Variants in FSTL5 observed in about 807,000 individuals in gnomAD.
The protein encoded by FSTL5 is follistatin like 5.
In FSTL5, 62 loss-of-function variants were observed where a neutral mutation model predicts 89.1. The observed-to-expected ratio is 0.70, with a 90% CI of 0.57 to 0.86. The LOEUF (loss-of-function observed/expected upper bound fraction) is 0.86, where lower values mean the gene tolerates loss of function less well. Among genes scored for constraint, FSTL5 ranks in the 40% least tolerant of loss-of-function variants. The probability of loss-of-function intolerance (pLI) is 0.00; values close to 1 mark genes in which losing one functional copy is unlikely to be tolerated. For synonymous variants in FSTL5, 383 were observed against 346.2 expected (o/e 1.11, Z -1.18); for missense variants, 1,057 against 1,001.6 (o/e 1.06, Z -0.75).
At chr4:161,570,301 T>C (rs1732961510) in intron 8 of FSTL5, among the ~76,000 whole-genome samples, 1 of 152,088 alleles carries the variant, frequency 6.6e-6, no homozygotes, top group African/African-American at 2.4e-5. Flanking sequence ...TTGAAAGAGT[T>C]TGAAACTGAG....
At chr4:161,618,032 C>T (rs1319017643) in intron 7 of FSTL5, among the ~76,000 whole-genome samples, 1 of 151,952 alleles carries the variant, frequency 6.6e-6, no homozygotes, top group Admixed American at 6.6e-5. Context: ...TTGAAGAGGT[C>T]CTTCACGTCC....
chr4:161,730,690 C>T (rs1739578001), intron 6 of FSTL5, among the ~76,000 whole-genome samples: 1 of 152,148 alleles, frequency 6.6e-6, no homozygotes, highest in Admixed American at 6.5e-5. Context: ...TGAAATGATA[C>T]AGTGTCCATT....
chr4:161,937,388 C>T (rs1450589393), intron 3 of FSTL5, among the ~76,000 whole-genome samples: 1 of 151,916 alleles, frequency 6.6e-6, no homozygotes, highest in Non-Finnish European at 1.5e-5. Flanking sequence ...AAATATTTCC[C>T]AGAACTGAAG....
intron 6 of FSTL5, among the ~76,000 whole-genome samples, chr4:161,679,049 C>T (rs911352138): frequency 2.6e-5 from 4 of 151,512 alleles, no homozygotes; most frequent in Non-Finnish European, 4.4e-5. Flanking sequence ...AATACTGTAG[C>T]AAGTACTCTT....
At chr4:161,573,013 A>C (rs2126588278) in intron 8 of FSTL5, among the ~76,000 whole-genome samples, 1 of 152,326 alleles carries the variant, frequency 6.6e-6, no homozygotes, top group Middle Eastern at 3.4e-3. Context: ...GGCCTAAACA[A>C]GATGTAAGTA....
intron 13 of FSTL5, among the ~76,000 whole-genome samples, chr4:161,460,815 C>G (rs1465670508): frequency 2.6e-5 from 4 of 152,018 alleles, no homozygotes; most frequent in African/African-American, 9.7e-5. Context: ...AGATGTGCAG[C>G]AATATCCTCA....
In FSTL5 at chr4:162,042,549, G is replaced by A. The variant is rs373851473; in HGVS notation, c.127-8891C>T. Among the ~76,000 whole-genome samples, 9 of 152,012 alleles carry A rather than the reference G, an allele frequency of 5.9e-5. No individual in the cohort carries two copies. In the East Asian group the frequency reaches 1.2e-3, roughly 20 times the overall value. On this transcript the variant is annotated intron_variant, in intron 2 of 15. Transcript: ENST00000306100. ...ATAGCATGGATAAGGGATGGATCAGGTAGTGAGATATGTTAGAAAATAACA... is the reference window on the plus strand; with the variant it reads ...ATAGCATGGATAAGGGATGGATCAGATAGTGAGATATGTTAGAAAATAACA...
At chr4:161,693,142 G>A (rs1428600516) in intron 6 of FSTL5, among the ~76,000 whole-genome samples, 1 of 152,076 alleles carries the variant, frequency 6.6e-6, no homozygotes, top group East Asian at 1.9e-4. Flanking sequence ...AACCACCTCT[G>A]GATTCCTGGA....
At chr4:161,418,737 A>G (rs748194492) in intron 15 of FSTL5, among the ~76,000 whole-genome samples, 4 of 152,138 alleles carry the variant, frequency 2.6e-5, no homozygotes, top group Non-Finnish European at 5.9e-5. Flanking sequence ...TTAAAGTCAC[A>G]ATTTCCAAGA....
intron 4 of FSTL5, among the ~76,000 whole-genome samples, chr4:161,854,293 G>C (rs1285674842): frequency 6.6e-6 from 1 of 152,152 alleles, no homozygotes; most frequent in Non-Finnish European, 1.5e-5. Flanking sequence ...TCTGTCCTTA[G>C]AAAGGGCTTC....
intron 3 of FSTL5, among the ~76,000 whole-genome samples, chr4:161,940,085 C>T (rs1010624754): frequency 6.6e-6 from 1 of 151,616 alleles, no homozygotes; most frequent in African/African-American, 2.4e-5. Flanking sequence ...AAAATTATTA[C>T]CAGTTATTGT....
chr4:161,823,188 C>A (rs1730548796), intron 4 of FSTL5, among the ~76,000 whole-genome samples: 1 of 152,110 alleles, frequency 6.6e-6, no homozygotes, highest in African/African-American at 2.4e-5. Flanking sequence ...GGCAGGCCAG[C>A]CCCCAGGCTT....
intron 4 of FSTL5, among the ~76,000 whole-genome samples, chr4:161,829,135 C>T (rs1730759888): frequency 1.9e-5 from 1 of 53,920 alleles, no homozygotes; most frequent in Admixed American, 3.0e-4. Context: ...GCTTCAGTCA[C>T]ATTTTATATA....
At chr4:161,543,184 T>C (rs983822961) in intron 8 of FSTL5, among the ~76,000 whole-genome samples, 3 of 152,010 alleles carry the variant, frequency 2.0e-5, no homozygotes, top group South Asian at 2.1e-4. Flanking sequence ...TTTACAATAG[T>C]ATCAAAAAAT....
chr4:161,946,674 A>G (rs888520645), intron 3 of FSTL5, among the ~76,000 whole-genome samples: 1 of 152,162 alleles, frequency 6.6e-6, no homozygotes, highest in African/African-American at 2.4e-5. Flanking sequence ...TGTTTACTGC[A>G]TGGGGATAAT....
chr4:161,391,460 A>C (rs2110876737), intron 15 of FSTL5, among the ~76,000 whole-genome samples: 1 of 152,330 alleles, frequency 6.6e-6, no homozygotes, highest in Admixed American at 6.5e-5. Context: ...TGTTTCAATG[A>C]CATCTTCCAT....
In FSTL5 at chr4:161,470,641, GA is replaced by G. The variant is rs201143604; in HGVS notation, c.1608+10378del. 6.4e-3 allele frequency among the ~76,000 whole-genome samples: 967 copies of G among 152,020 alleles called. 11 individuals are homozygous for G. The highest frequency in any genetic ancestry group is 0.02 in the African/African-American group (830 of 41,500). ...TTCTGCAAAAAAAAAAAGTCTTAGGGATTTTGATAAGAATTTCACTGAATCT... is the reference window on the plus strand; with the variant it reads ...TTCTGCAAAAAAAAAAAGTCTTAGGGTTTTGATAAGAATTTCACTGAATCT... On this transcript the variant is annotated intron_variant, in intron 13 of 15. Transcript: ENST00000306100.
intron 7 of FSTL5, among the ~76,000 whole-genome samples, chr4:161,630,929 T>C (rs1177538673): frequency 1.3e-5 from 2 of 152,228 alleles, no homozygotes; most frequent in Non-Finnish European, 2.9e-5. Context: ...AACTGTTTTC[T>C]TAACAGGAAT....
intron 2 of FSTL5, among the ~76,000 whole-genome samples, chr4:162,082,650 T>G (rs1177204874): frequency 6.6e-6 from 1 of 151,522 alleles, no homozygotes. Context: ...TGTTACTTAC[T>G]TGGTTCTTAA....
Sources: allele counts gnomAD v4.1 joint callset (sites outside exome capture counted in the v4.1 genomes callset), GRCh38; gene constraint gnomAD v4.1.1; transcripts MANE v1.5; gene names NCBI Gene and HGNC (gene_info 2026-07-23, HGNC 2026-07-21).